DCAF4: variants seen among roughly 807,000 people sequenced by gnomAD.
DCAF4 encodes DDB1 and CUL4 associated factor 4.
In DCAF4, 37 loss-of-function variants were observed where a neutral mutation model predicts 60.9. The ratio of observed to expected loss-of-function variants is 0.61; its 90% CI spans 0.47 to 0.80. DCAF4 has a LOEUF of 0.80. Among genes scored for constraint, DCAF4 ranks in the 30% least tolerant of loss-of-function variants. DCAF4 has a pLI of 0.00. For missense variants in DCAF4, 577 were observed against 650.0 expected (o/e 0.89, Z 1.22); for synonymous variants, 243 against 254.8 (o/e 0.95, Z 0.44).
chr14:72,928,598 T>TATATATAA (rs1465049425), intron 1 of DCAF4, among the ~76,000 whole-genome samples: 8 of 27,450 alleles, frequency 2.9e-4, no homozygotes, highest in Admixed American at 5.6e-4. Context: ...TATATATATA[T>TATATATAA]ATATATATAT....
Position 72,939,831 on chromosome 14 carries a change from A to T in DCAF4, c.122A>T (p.His41Leu), listed in dbSNP as rs779472370. 6 of 1,613,182 alleles carry T rather than the reference A, an allele frequency of 3.7e-6. No individual in the cohort carries two copies. In the Admixed American group the frequency reaches 8.3e-5, roughly 22 times the overall value. Residue 41 changes from histidine (H) to leucine (L), a missense_variant, in exon 3 of 14, where the codon CAC (histidine) becomes CTC (leucine). Coordinates refer to ENST00000358377, the MANE Select transcript of DCAF4 (RefSeq NM_015604.4). ...RSDSRAAQPA[H>L]DSGHGDDESP... ...GACTCCCGGGCAGCACAGCCCGCTC[A>T]CGATTCCGGCCACGGTGATGACGAG...
chr14:72,961,693 C>A (rs116402860), downstream of DCAF4, among the ~76,000 whole-genome samples: 2,411 of 152,324 alleles, frequency 0.016, 55 homozygotes, highest in East Asian at 0.047. Context: ...GGCTTTTCAG[C>A]CCAGAGGCTC....
chr14:72,952,454 T>C (rs1013338383), intron 9 of DCAF4, among the ~76,000 whole-genome samples: 4 of 152,198 alleles, frequency 2.6e-5, no homozygotes, highest in African/African-American at 9.7e-5. Flanking sequence ...GGTGAGATCA[T>C]GCACATTTAG....
intron 5 of DCAF4, chr14:72,942,788 C>T (rs1890219436): frequency 1.8e-6 from 1 of 563,928 alleles, no homozygotes; most frequent in Admixed American, 3.1e-5. Flanking sequence ...CCACCCACTT[C>T]TTCATTTTCA....
intron 1 of DCAF4, among the ~76,000 whole-genome samples, chr14:72,930,371 C>T (rs990291373): frequency 6.6e-6 from 1 of 152,006 alleles, no homozygotes; most frequent in South Asian, 2.1e-4. Flanking sequence ...CGGGTTCAAG[C>T]GATTGTTCTG....
intron 4 of DCAF4, chr14:72,940,588 GTTGTTTTT>G: frequency 3.6e-6 from 1 of 275,948 alleles, no homozygotes. Context: ...TGTTCGATAA[GTTGTTTTT>G]TTTTTTTTTT....
chr14:72,930,267 G>GT lies in DCAF4; in HGVS notation c.-9+3732dup, dbSNP rs574381292. ...TTTTCTTTTTTTTTTTTGAGACGGA[G>GT]TTTTTTTTGTTTGTTTTTGAGACGG... On this transcript the variant is annotated intron_variant, in intron 1 of 13. Transcript: ENST00000358377. 5.2e-3 allele frequency among the ~76,000 whole-genome samples: 780 copies of GT among 150,114 alleles called. 9 individuals carry two copies. The highest frequency in any genetic ancestry group is 0.018 in the African/African-American group (725 of 40,768).
rs1242617057 is a variant in DCAF4 at position 72,959,585 on chromosome 14, G to A, written c.*780G>A. On this transcript the variant is annotated 3_prime_UTR_variant, in exon 14 of 14. Transcript: ENST00000358377. ...TTGTAATCTAGGAGCGACAGTTCGT[G>A]AGATGTTTATTCAGTGTTAAAGAGC... 1 of 985,362 alleles carries A rather than the reference G, an allele frequency of 1.0e-6. No homozygotes were observed. Among genetic ancestry groups the A allele is most frequent in the Non-Finnish European group, 1.2e-6 (1 of 829,940 alleles). 61.0% of individuals were successfully genotyped at this position (985,362 alleles called of 1,614,324 possible).
At chr14:72,955,756 G>A (rs1892192906) in intron 12 of DCAF4, 60 bp downstream of exon 12, 10 of 1,505,220 alleles carry the variant, frequency 6.6e-6, no homozygotes, top group South Asian at 1.2e-5. Context: ...CCTGCCAGGT[G>A]AAAGGGTTCT....
intron 9 of DCAF4, 110 bp downstream of exon 9, chr14:72,951,987 C>T (rs1308761080): frequency 7.8e-6 from 9 of 1,156,908 alleles, no homozygotes; most frequent in Admixed American, 7.3e-5. Flanking sequence ...TGGGAGGATT[C>T]CCTAAGCCTG....
intron 13 of DCAF4, chr14:72,956,763 G>A (rs1262099454): frequency 2.2e-5 from 9 of 404,270 alleles, no homozygotes; most frequent in African/African-American, 1.9e-4. Flanking sequence ...AGGTGGGGAG[G>A]TCCTGGGGAG....
In DCAF4 at chr14:72,938,032, G is replaced by T; in HGVS notation, c.54G>T (p.Gln18His). The T allele has an allele frequency of 6.8e-6, 11 of 1,611,548 alleles. No homozygotes were observed. Among genetic ancestry groups the T allele is most frequent in the Non-Finnish European group, 8.5e-6 (10 of 1,179,306 alleles). ...SRRRHGRRSH[Q>H]QNPWFRLRDS... is the part of the protein sequence containing the mutation. ...GACGACATGGGAGAAGAAGCCACCA[G>T]CAGAACCCTTGGTTCAGACTCCGTG... The change falls in exon 2 of 14, where the codon CAG (glutamine) becomes CAT (histidine). Residue 18 changes from glutamine to histidine, a missense_variant. Gln to His is a conservative substitution (Grantham distance 24). Coordinates refer to ENST00000358377, the MANE Select transcript of DCAF4 (RefSeq NM_015604.4).
At chr14:72,946,856 C>T (rs1177256122) in intron 7 of DCAF4, among the ~76,000 whole-genome samples, 1 of 152,158 alleles carries the variant, frequency 6.6e-6, no homozygotes, top group Non-Finnish European at 1.5e-5. Context: ...AAGTGAGATA[C>T]ACCTTCAGAG....
intron 6 of DCAF4, among the ~76,000 whole-genome samples, chr14:72,944,350 C>A (rs1009336998): frequency 2.0e-5 from 3 of 152,172 alleles, no homozygotes; most frequent in Non-Finnish European, 2.9e-5. Flanking sequence ...AGTAAACTTA[C>A]AACGTTGGTA....
At chr14:72,928,316 C>T (rs1021341726) in intron 1 of DCAF4, among the ~76,000 whole-genome samples, 2 of 150,864 alleles carry the variant, frequency 1.3e-5, no homozygotes, top group East Asian at 3.9e-4. Flanking sequence ...GCTTCAGCCT[C>T]CCGAGTAGCT....
chr14:72,934,845 G>C (rs1393033679), intron 1 of DCAF4, among the ~76,000 whole-genome samples: 1 of 152,188 alleles, frequency 6.6e-6, no homozygotes, highest in African/African-American at 2.4e-5. Context: ...TTGTAAATGT[G>C]TGTGGAGTAG....
intron 8 of DCAF4, among the ~76,000 whole-genome samples, chr14:72,948,752 G>A (rs972471053): frequency 6.6e-6 from 1 of 152,140 alleles, no homozygotes; most frequent in African/African-American, 2.4e-5. Context: ...TTTTTGTGCT[G>A]CTTCAGAAGT....
chr14:72,934,820 CAT>C, intron 1 of DCAF4, among the ~76,000 whole-genome samples: 1 of 152,302 alleles, frequency 6.6e-6, no homozygotes, highest in Non-Finnish European at 1.5e-5. Flanking sequence ...CAGTGCCTCA[CAT>C]GGAGTGGGCG....
Position 72,959,146 on chromosome 14 carries a change from C to T in DCAF4, c.*341C>T, listed in dbSNP as rs1398161480. 1 of 1,012,784 alleles carries T rather than the reference C, an allele frequency of 9.9e-7. No individual in the cohort carries two copies. Among genetic ancestry groups the T allele is most frequent in the Non-Finnish European group, 1.2e-6 (1 of 847,562 alleles). 62.7% of individuals were successfully genotyped at this position (1,012,784 alleles called of 1,614,324 possible). The stretch of plus-strand genomic sequence containing the variant: ...TGGCAAAAACGAAAAGCTTCTTCCT[C>T]CAAGAGCCCATTGAAGAAGCCCAGT... On this transcript the variant is annotated 3_prime_UTR_variant, in exon 14 of 14. Coordinates refer to ENST00000358377, the MANE Select transcript of DCAF4 (RefSeq NM_015604.4).
Sources: allele counts gnomAD v4.1 joint callset (sites outside exome capture counted in the v4.1 genomes callset), GRCh38; gene constraint gnomAD v4.1.1; transcripts MANE v1.5; gene names NCBI Gene and HGNC (gene_info 2026-07-23, HGNC 2026-07-21).